Variants in KANSL1 observed in about 807,000 individuals in gnomAD.
KANSL1 encodes MLL1/MLL complex subunit KANSL1.
KANSL1 carries 22 observed loss-of-function variants against 103.6 expected under a neutral mutation model. The ratio of observed to expected loss-of-function variants is 0.21; its 90% CI spans 0.15 to 0.30. The LOEUF is 0.30. Ranked by LOEUF, KANSL1 falls within the 10% of genes least tolerant of loss-of-function variation. The pLI is 1.00. For missense variants in KANSL1, 1,337 were observed against 1,399.8 expected (o/e 0.96, Z 0.72); for synonymous variants, 600 against 527.6 (o/e 1.14, Z -1.88).
At chr17:46,060,182 T>C (rs768694211) in intron 6 of KANSL1, among the ~76,000 whole-genome samples, 2 of 152,262 alleles carry the variant, frequency 1.3e-5, no homozygotes, top group African/African-American at 4.8e-5. Flanking sequence ...CTGTTAATCA[T>C]AGCATATTCG....
At chr17:46,103,354 C>A (rs1456005194) in intron 2 of KANSL1, among the ~76,000 whole-genome samples, 1 of 152,156 alleles carries the variant, frequency 6.6e-6, no homozygotes, top group East Asian at 1.9e-4. Flanking sequence ...ATCTCCCATC[C>A]CTATGAATTA....
At chr17:46,222,662 ACAC>A (rs1350893854) in intron 1 of KANSL1, 1 of 152,338 alleles carries the variant, frequency 6.6e-6, no homozygotes, top group Non-Finnish European at 1.5e-5. Context: ...TATTTAGGTT[ACAC>A]ACACTGCACT....
At chr17:46,185,692 TACAC>T (rs58833932) in intron 1 of KANSL1, among the ~76,000 whole-genome samples, 19,470 of 144,174 alleles carry the variant, frequency 0.14, 1,717 homozygotes, top group East Asian at 0.36. Context: ...CACACATATA[TACAC>T]ACACACACAC....
intron 1 of KANSL1, among the ~76,000 whole-genome samples, chr17:46,186,870 G>A (rs896450684): frequency 1.3e-5 from 2 of 152,134 alleles, no homozygotes; most frequent in African/African-American, 4.8e-5. Flanking sequence ...TGGGACTACA[G>A]GCATGCGCCA....
intron 4 of KANSL1, among the ~76,000 whole-genome samples, chr17:46,068,642 G>C (rs2078467603): frequency 6.6e-6 from 1 of 151,886 alleles, no homozygotes; most frequent in Non-Finnish European, 1.5e-5. Flanking sequence ...AAATCTCAAT[G>C]AATCTAATTA....
At chr17:46,200,063 ACACC>A (rs1183987929) in intron 1 of KANSL1, among the ~76,000 whole-genome samples, 2 of 151,822 alleles carry the variant, frequency 1.3e-5, no homozygotes, top group African/African-American at 4.8e-5. Context: ...ACACACACAC[ACACC>A]CTGATTATTT....
intron 2 of KANSL1, among the ~76,000 whole-genome samples, chr17:46,161,250 T>TAAAAAA (rs534754110): frequency 1.3e-5 from 1 of 79,398 alleles, no homozygotes; most frequent in African/African-American, 5.8e-5. Context: ...CCACCTCTAC[T>TAAAAAA]AAAAAAAAAA....
At chr17:46,040,648 T>G (rs1357159398) in intron 7 of KANSL1, 1 of 152,220 alleles carries the variant, frequency 6.6e-6, no homozygotes, top group Admixed American at 6.5e-5. Context: ...CTTTCTTACT[T>G]GTAGGTGGTC....
chr17:46,198,719 G>A (rs746773794), upstream of KANSL1, among the ~76,000 whole-genome samples: 6 of 152,158 alleles, frequency 3.9e-5, no homozygotes, highest in South Asian at 2.1e-4. Context: ...GTGACAGAGC[G>A]GGACTCTGTT....
chr17:46,091,719 T>C (rs1426392093), intron 3 of KANSL1, among the ~76,000 whole-genome samples: 2 of 152,358 alleles, frequency 1.3e-5, no homozygotes, highest in South Asian at 4.1e-4. Flanking sequence ...TACTGGTTTA[T>C]ACCCTAGGAG....
intron 3 of KANSL1, among the ~76,000 whole-genome samples, chr17:46,090,954 A>G (rs1289560614): frequency 6.6e-6 from 1 of 152,230 alleles, no homozygotes; most frequent in African/African-American, 2.4e-5. Flanking sequence ...AGTGTTATGT[A>G]TTTACTATAC....
intron 2 of KANSL1, among the ~76,000 whole-genome samples, chr17:46,107,827 G>A (rs1216666891): frequency 6.6e-6 from 1 of 152,120 alleles, no homozygotes; most frequent in Admixed American, 6.5e-5. Flanking sequence ...GCTTCAACTA[G>A]ATGGATCTGT....
At chr17:46,075,189 C>T (rs1353136369) in intron 4 of KANSL1, among the ~76,000 whole-genome samples, 1 of 152,172 alleles carries the variant, frequency 6.6e-6, no homozygotes, top group Admixed American at 6.5e-5. Context: ...TACAGAAATT[C>T]AAATAAAGTA....
chr17:46,096,302 C>CTT (rs1273083741), intron 2 of KANSL1, among the ~76,000 whole-genome samples: 1 of 82,586 alleles, frequency 1.2e-5, no homozygotes, highest in South Asian at 3.0e-4. Context: ...ACATACCTGG[C>CTT]TTTTTTTTCT....
chr17:46,213,379 C>G (rs1328526542), intron 1 of KANSL1, among the ~76,000 whole-genome samples: 2 of 151,976 alleles, frequency 1.3e-5, no homozygotes, highest in Non-Finnish European at 2.9e-5. Context: ...CAGCTCACTG[C>G]AAGCTCCGCC....
At chr17:46,162,273 C>A (rs55824637) in intron 2 of KANSL1, among the ~76,000 whole-genome samples, 17,162 of 150,130 alleles carry the variant, frequency 0.11, no homozygotes, top group Non-Finnish European at 0.17. Context: ...ATAATCTAGT[C>A]CACTTTGGTC....
At chr17:46,200,870 C>T (rs969824610) in intron 1 of KANSL1, among the ~76,000 whole-genome samples, 7 of 151,956 alleles carry the variant, frequency 4.6e-5, no homozygotes, top group Non-Finnish European at 1.0e-4. Context: ...GACCTGTTTC[C>T]TCCAATGAAG....
chr17:46,133,210 T>C (rs138764520), intron 2 of KANSL1, among the ~76,000 whole-genome samples: 9 of 152,328 alleles, frequency 5.9e-5, no homozygotes, highest in African/African-American at 1.7e-4. Flanking sequence ...CAAATCCAAG[T>C]TGTATGTGAT....
chr17:46,151,379 T>C (rs1485176337), intron 2 of KANSL1, among the ~76,000 whole-genome samples: 1 of 152,222 alleles, frequency 6.6e-6, no homozygotes, highest in East Asian at 1.9e-4. Context: ...TCACAGGTCT[T>C]GCTCACACAC....
Sources: gnomAD v4.1 joint callset for allele counts (sites outside exome capture counted in the v4.1 genomes callset) on GRCh38, gnomAD v4.1.1 for gene constraint, MANE v1.5 for transcripts, NCBI Gene and HGNC (gene_info 2026-07-23, HGNC 2026-07-21) for gene names.